NME7: variants seen among roughly 807,000 people sequenced by gnomAD.
NME7 encodes nucleoside diphosphate kinase 7.
NME7 carries 41 observed loss-of-function variants against 49.1 expected under a neutral mutation model. That is an observed-to-expected ratio of 0.83 (90% CI 0.65 to 1.08). The LOEUF (loss-of-function observed/expected upper bound fraction) is 1.08. Among genes scored for constraint, NME7 ranks in the 50% least tolerant of loss-of-function variants. The pLI is 0.00. For missense variants in NME7, 423 were observed against 463.4 expected, an observed-to-expected ratio of 0.91 and a Z score of 0.80; for synonymous variants, 139 against 150.6, an observed-to-expected ratio of 0.92 and a Z score of 0.56.
intron 4 of NME7, among the ~76,000 whole-genome samples, chr1:169,309,706 G>A (rs942657788): frequency 2.0e-5 from 3 of 151,954 alleles, no homozygotes; most frequent in Admixed American, 2.0e-4. Flanking sequence ...ACTGAATAAA[G>A]CCTGCACTGC....
intron 9 of NME7, 69 bp downstream of exon 9, chr1:169,235,062 G>C: frequency 1.2e-6 from 1 of 830,262 alleles, no homozygotes; most frequent in East Asian, 2.9e-5. Context: ...CAGGAGCTTA[G>C]TCCAAAACAC....
chr1:169,335,586 C>T lies in NME7; in HGVS notation c.4-11086G>A, dbSNP rs188266980. 6.5e-3 allele frequency among the ~76,000 whole-genome samples: 987 copies of T among 151,314 alleles called. 11 individuals carry two copies. Among genetic ancestry groups the T allele is most frequent in the African/African-American group, 0.022 (890 of 41,232 alleles). ...GGATGAGGGAAGGGAACTTAGGGGA[C>T]GAGTCAATAGGTGCAGCAAATCACC... On this transcript the variant is annotated intron_variant, in intron 1 of 11. Transcript: ENST00000367811.
At chr1:169,251,572 T>TA (rs35877266) in intron 7 of NME7, among the ~76,000 whole-genome samples, 36,996 of 131,642 alleles carry the variant, frequency 0.28, 5,016 homozygotes, top group East Asian at 0.59. Flanking sequence ...TTTTTTTTTT[T>TA]ATTATACTTT....
chr1:169,270,922 GAATT>G (rs1649469996), intron 7 of NME7, among the ~76,000 whole-genome samples: 1 of 133,672 alleles, frequency 7.5e-6, no homozygotes, highest in Non-Finnish European at 1.8e-5. Context: ...TTTATGGATG[GAATT>G]AATAACTATA....
chr1:169,274,126 T>A (rs1218018257), intron 7 of NME7, among the ~76,000 whole-genome samples: 3 of 131,286 alleles, frequency 2.3e-5, no homozygotes, highest in Non-Finnish European at 3.6e-5. Flanking sequence ...CTCCAGCACC[T>A]GTTGTATCCT....
At chr1:169,251,731 C>T (rs1172821789) in intron 7 of NME7, among the ~76,000 whole-genome samples, 1 of 122,308 alleles carries the variant, frequency 8.2e-6, no homozygotes, top group Non-Finnish European at 1.6e-5. Flanking sequence ...CCACAACAGT[C>T]CCCAGAGTGT....
chr1:169,258,674 C>T (rs1224838204), intron 7 of NME7, among the ~76,000 whole-genome samples: 1 of 131,598 alleles, frequency 7.6e-6, no homozygotes. Context: ...AATACCACAA[C>T]ACGGATCACA....
chr1:169,271,977 T>G lies in NME7; in HGVS notation c.754+15326A>C, dbSNP rs185800136. Among the ~76,000 whole-genome samples the G allele has an allele frequency of 4.6e-5, 6 of 131,596 alleles. 1 individual carries two copies. Among genetic ancestry groups the G allele is most frequent in the Admixed American group, 4.5e-4 (6 of 13,316 alleles). 86.3% of individuals were successfully genotyped at this position (131,596 alleles called of 152,430 possible). ...ATCTGAACTGGGTTAATTACATACT[T>G]CAAAATGGTCTTAAATTATTCCAAA... On this transcript the variant is annotated intron_variant, in intron 7 of 11. Coordinates refer to ENST00000367811, the MANE Select transcript of NME7 (RefSeq NM_013330.5).
In NME7 at chr1:169,235,195, T is replaced by C. The variant is rs998555377; in HGVS notation, c.824A>G (p.Asn275Ser). 9 of 1,514,542 alleles carry C rather than the reference T, an allele frequency of 5.9e-6. No homozygotes were observed. Among genetic ancestry groups the C allele is most frequent in the Admixed American group, 1.9e-5 (1 of 52,460 alleles). The allele number at this position is 1,514,542 out of a possible 1,614,324, so 93.8% of individuals were successfully genotyped here. ...GFEISAMQMF[N>S]MDRVNVEEFY... ...TTCCTCAACATTAACCCGATCCATATTGAACTATATTAAAAAATAAAACAA... is the reference window on the plus strand; with the variant it reads ...TTCCTCAACATTAACCCGATCCATACTGAACTATATTAAAAAATAAAACAA... The change falls in exon 9 of 12, where the codon AAT (asparagine) becomes AGT (serine). Residue 275 changes from asparagine to serine, a missense_variant. Coordinates refer to ENST00000367811, the MANE Select transcript of NME7 (RefSeq NM_013330.5).
intron 3 of NME7, among the ~76,000 whole-genome samples, chr1:169,316,552 T>C (rs1256522985): frequency 6.6e-6 from 1 of 152,014 alleles, no homozygotes; most frequent in Non-Finnish European, 1.5e-5. Flanking sequence ...TTACAGGCCT[T>C]GAGATAGTAG....
chr1:169,153,938 C>G (rs1314651532), intron 11 of NME7, among the ~76,000 whole-genome samples: 1 of 151,882 alleles, frequency 6.6e-6, no homozygotes, highest in African/African-American at 2.4e-5. Context: ...CTCCTGGGCT[C>G]AAGTGATCTT....
rs1238452646 is a variant in NME7 at position 169,275,313 on chromosome 1, T to TA, written c.754+11989dup. Among the ~76,000 whole-genome samples, 6 of 127,442 alleles carry TA rather than the reference T, an allele frequency of 4.7e-5. 1 individual carries two copies. The East Asian group carries it at 6.1e-4, about 13-fold the overall frequency. The allele number at this position is 127,442 out of a possible 152,430, so 83.6% of individuals were successfully genotyped here. On this transcript the variant is annotated intron_variant, in intron 7 of 11. Transcript: ENST00000367811. ...GAACACGGTGAAACCCCGTCTCTACTAAAAAAAATACAAAAATTAGCCGGG... is the reference window on the plus strand; with the variant it reads ...GAACACGGTGAAACCCCGTCTCTACTAAAAAAAAATACAAAAATTAGCCGGG...
chr1:169,182,864 C>A (rs185006708), intron 10 of NME7, among the ~76,000 whole-genome samples: 1 of 152,278 alleles, frequency 6.6e-6, no homozygotes, highest in Non-Finnish European at 1.5e-5. Flanking sequence ...CTCTTGGTTA[C>A]CAATAGTCTG....
At chr1:169,156,582 T>C (rs532544781) in intron 11 of NME7, among the ~76,000 whole-genome samples, 1 of 152,336 alleles carries the variant, frequency 6.6e-6, no homozygotes, top group South Asian at 2.1e-4. Context: ...TAAGTGCCTA[T>C]ATAAAGTGGG....
chr1:169,198,437 C>A (rs9988595), intron 10 of NME7, among the ~76,000 whole-genome samples: 20,440 of 151,890 alleles, frequency 0.13, 1,532 homozygotes, highest in African/African-American at 0.2. Flanking sequence ...GTCATAATAG[C>A]CAAAAGATAG....
intron 1 of NME7, among the ~76,000 whole-genome samples, chr1:169,341,974 T>C (rs1652723796): frequency 6.6e-6 from 1 of 152,168 alleles, no homozygotes; most frequent in African/African-American, 2.4e-5. Flanking sequence ...AGATGAGACT[T>C]TGGACTTGGA....
intron 5 of NME7, among the ~76,000 whole-genome samples, chr1:169,301,466 G>A (rs1650937869): frequency 6.6e-6 from 1 of 152,160 alleles, no homozygotes; most frequent in Non-Finnish European, 1.5e-5. Flanking sequence ...CTTATACACG[G>A]TTGGTGGGAA....
chr1:169,335,275 A>C (rs1652417036), intron 1 of NME7, among the ~76,000 whole-genome samples: 1 of 152,200 alleles, frequency 6.6e-6, no homozygotes, highest in African/African-American at 2.4e-5. Context: ...TTTCTGCAGC[A>C]CTATTTACAA....
intron 7 of NME7, among the ~76,000 whole-genome samples, chr1:169,260,097 T>C (rs971467560): frequency 3.7e-5 from 5 of 133,586 alleles, no homozygotes; most frequent in African/African-American, 1.3e-4. Flanking sequence ...ACATAGTAGA[T>C]GTAAGTTGGT....
Sources: gnomAD v4.1 joint callset for allele counts (sites outside exome capture counted in the v4.1 genomes callset) on GRCh38, gnomAD v4.1.1 for gene constraint, MANE v1.5 for transcripts, NCBI Gene and HGNC (gene_info 2026-07-23, HGNC 2026-07-21) for gene names.